Variants in CDKAL1 observed in about 807,000 individuals in gnomAD.
CDKAL1 encodes CDKAL1 threonylcarbamoyladenosine tRNA methylthiotransferase, also known as threonylcarbamoyladenosine tRNA methylthiotransferase.
CDKAL1 carries 32 observed loss-of-function variants against 68.2 expected under a neutral mutation model. The ratio of observed to expected loss-of-function variants is 0.47; its 90% CI spans 0.35 to 0.63. CDKAL1 has a LOEUF of 0.63. Ranked by LOEUF, CDKAL1 falls within the 30% of genes least tolerant of loss-of-function variation. The pLI is 0.00. For missense variants in CDKAL1, 606 were observed against 696.7 expected, an observed-to-expected ratio of 0.87 and a Z score of 1.47; for synonymous variants, 234 against 244.3, an observed-to-expected ratio of 0.96 and a Z score of 0.39.
chr6:21,154,807 A>G (rs1301969420), intron 13 of CDKAL1, among the ~76,000 whole-genome samples: 3 of 152,206 alleles, frequency 2.0e-5, no homozygotes, highest in African/African-American at 7.2e-5. Context: ...GGCCAACATG[A>G]TGAAACCCTG....
At chr6:20,914,858 A>T (rs1241404883) in intron 9 of CDKAL1, among the ~76,000 whole-genome samples, 1 of 152,208 alleles carries the variant, frequency 6.6e-6, no homozygotes, top group Admixed American at 6.5e-5. Context: ...ACAAAATTTG[A>T]ATATCAGTTG....
chr6:21,028,193 C>T lies in CDKAL1; in HGVS notation c.1055+27821C>T, dbSNP rs1582056538. ...GTTGAAAGAAATTCCTAATTGGCTA[C>T]TTTTTTCTAACTCTGGCTCACCTCC... On this transcript the variant is annotated intron_variant, in intron 11 of 15. Transcript: ENST00000274695. 2.6e-5 allele frequency among the ~76,000 whole-genome samples: 4 copies of T among 152,260 alleles called. No homozygotes were observed. The Middle Eastern group carries it at 0.014, about 521-fold the overall frequency.
At chr6:21,181,131 A>G (rs1032271260) in intron 13 of CDKAL1, among the ~76,000 whole-genome samples, 4 of 152,168 alleles carry the variant, frequency 2.6e-5, no homozygotes, top group Non-Finnish European at 5.9e-5. Flanking sequence ...ACTCACCTTT[A>G]TAAAAACCCA....
chr6:20,860,396 T>G (rs947385820), intron 9 of CDKAL1, among the ~76,000 whole-genome samples: 1 of 152,218 alleles, frequency 6.6e-6, no homozygotes, highest in Non-Finnish European at 1.5e-5. Flanking sequence ...TTATCATAAT[T>G]TGTACTTTGT....
At chr6:21,225,185 C>G (rs893297394) in intron 15 of CDKAL1, among the ~76,000 whole-genome samples, 3 of 152,186 alleles carry the variant, frequency 2.0e-5, no homozygotes, top group Admixed American at 6.5e-5. Context: ...ACGAGCAGGC[C>G]CACACGGGGT....
intron 13 of CDKAL1, among the ~76,000 whole-genome samples, chr6:21,185,115 G>A (rs1443334717): frequency 6.6e-6 from 1 of 151,690 alleles, no homozygotes; most frequent in Non-Finnish European, 1.5e-5. Context: ...TGTTGCAGTG[G>A]TTCCTATCTA....
intron 4 of CDKAL1, among the ~76,000 whole-genome samples, chr6:20,646,845 G>A (rs1240271235): frequency 6.6e-6 from 1 of 152,158 alleles, no homozygotes; most frequent in Non-Finnish European, 1.5e-5. Flanking sequence ...CTGAGTTCAA[G>A]CAATTCTTCT....
At chr6:21,137,955 A>G (rs942335211) in intron 13 of CDKAL1, among the ~76,000 whole-genome samples, 2 of 152,204 alleles carry the variant, frequency 1.3e-5, no homozygotes, top group African/African-American at 4.8e-5. Flanking sequence ...GTGCTCAAAG[A>G]CAGTTTGCCC....
At chr6:20,752,883 C>A (rs997805287) in intron 6 of CDKAL1, among the ~76,000 whole-genome samples, 3 of 152,168 alleles carry the variant, frequency 2.0e-5, no homozygotes, top group African/African-American at 7.2e-5. Context: ...TAGTAGCATT[C>A]AGGTCAGGTC....
At chr6:21,075,651 A>C (rs1772033261) in intron 12 of CDKAL1, among the ~76,000 whole-genome samples, 1 of 152,206 alleles carries the variant, frequency 6.6e-6, no homozygotes. Flanking sequence ...CTAGATTTTT[A>C]GATGAAAGGT....
At chr6:20,979,906 G>A (rs931739398) in intron 10 of CDKAL1, among the ~76,000 whole-genome samples, 1 of 150,470 alleles carries the variant, frequency 6.6e-6, no homozygotes, top group Non-Finnish European at 1.5e-5. Context: ...TAAGTAGCAG[G>A]GATTACAGGC....
rs1005902978 is a variant in CDKAL1 at position 20,828,143 on chromosome 6, T to C, written c.639-17932T>C. Among the ~76,000 whole-genome samples the C allele has an allele frequency of 5.9e-5, 9 of 152,312 alleles. No individual in the cohort carries two copies. The South Asian group carries it at 1.0e-3, about 18-fold the overall frequency. On this transcript the variant is annotated intron_variant, in intron 8 of 15. Transcript: ENST00000274695. ...CTGCTGTTTTAATAAACTTTTATTA[T>C]ATTTAAGCATGGGATTTAGTTGGCA...
At chr6:20,831,082 G>C (rs1777698940) in intron 8 of CDKAL1, among the ~76,000 whole-genome samples, 1 of 152,030 alleles carries the variant, frequency 6.6e-6, no homozygotes, top group Admixed American at 6.6e-5. Flanking sequence ...AGTAATTGCG[G>C]TTTCATACCA....
rs545262822 is a variant in CDKAL1 at position 20,647,541 on chromosome 6, A to G, written c.287-1752A>G. ...TAAAAATGTATTCAGTATCTCTTAA[A>G]TAGTAGTAAAGACAGGCCAAAAAAT... On this transcript the variant is annotated intron_variant, in intron 4 of 15. Transcript: ENST00000274695. Among the ~76,000 whole-genome samples the G allele has an allele frequency of 2.0e-5, 3 of 152,306 alleles. No homozygotes were observed. The East Asian group carries it at 5.8e-4, about 29-fold the overall frequency.
In CDKAL1 at chr6:21,108,535, A is replaced by G. The variant is rs1773966460; in HGVS notation, c.1299+72A>G. The G allele has an allele frequency of 1.7e-5, 16 of 938,846 alleles. No individual in the cohort carries two copies. The South Asian group carries it at 2.5e-4, about 14-fold the overall frequency. 58.2% of individuals were successfully genotyped at this position (938,846 alleles called of 1,614,324 possible). On this transcript the variant is annotated intron_variant, in intron 13 of 15. Coordinates refer to ENST00000274695, the MANE Select transcript of CDKAL1 (RefSeq NM_017774.3). Reference sequence around the variant, plus strand: ...AATGTATAGTACAATTTTCACCAACATATGGTGATTCTGAAATACACTTAC... The same window carrying G: ...AATGTATAGTACAATTTTCACCAACGTATGGTGATTCTGAAATACACTTAC...
intron 5 of CDKAL1, among the ~76,000 whole-genome samples, chr6:20,662,841 A>G (rs1769351833): frequency 6.6e-6 from 1 of 152,090 alleles, no homozygotes. Context: ...TTAGATTTTA[A>G]GAGTTTGAAC....
At chr6:21,069,863 C>T (rs1771673191) in intron 12 of CDKAL1, among the ~76,000 whole-genome samples, 1 of 140,738 alleles carries the variant, frequency 7.1e-6, no homozygotes, top group Non-Finnish European at 1.5e-5. Context: ...CATCTCAGCT[C>T]ACTGCAAGCT....
intron 11 of CDKAL1, among the ~76,000 whole-genome samples, chr6:21,031,060 C>T (rs1449876630): frequency 6.6e-6 from 1 of 152,100 alleles, no homozygotes; most frequent in African/African-American, 2.4e-5. Flanking sequence ...GGTCAAACTT[C>T]TCAGAGTCTC....
chr6:20,884,637 T>C (rs1199888094), intron 9 of CDKAL1, among the ~76,000 whole-genome samples: 2 of 152,210 alleles, frequency 1.3e-5, no homozygotes, highest in Non-Finnish European at 2.9e-5. Flanking sequence ...ACTAGAACTA[T>C]GAAATGAATG....
Sources: gnomAD v4.1 joint callset for allele counts (sites outside exome capture counted in the v4.1 genomes callset) on GRCh38, gnomAD v4.1.1 for gene constraint, MANE v1.5 for transcripts, NCBI Gene and HGNC (gene_info 2026-07-23, HGNC 2026-07-21) for gene names.